Variants in SHISA9 observed in about 807,000 individuals in gnomAD.
SHISA9 encodes the protein shisa family member 9, also known as protein shisa-9.
Under a neutral mutation model 38.0 loss-of-function variants are expected in SHISA9, and 13 were observed. The ratio of observed to expected loss-of-function variants is 0.34; its 90% CI spans 0.22 to 0.54. SHISA9 has a LOEUF of 0.54. Ranked by LOEUF, SHISA9 falls within the 20% of genes least tolerant of loss-of-function variation. The pLI, the probability that SHISA9 is intolerant of heterozygous loss-of-function variation, is 0.91. For synonymous variants in SHISA9, 275 were observed against 242.0 expected (o/e 1.14, Z -1.27); for missense variants, 538 against 575.8 (o/e 0.93, Z 0.67).
intron 2 of SHISA9, among the ~76,000 whole-genome samples, chr16:13,196,120 A>G (rs111622212): frequency 0.49 from 51,208 of 103,832 alleles, 14,970 homozygotes; most frequent in African/African-American, 0.71. Flanking sequence ...AAAAAAGGCC[A>G]GGTGTGGTGG....
At chr16:13,269,613 A>G in the SHISA9 span, among the ~76,000 whole-genome samples, 1 of 152,198 alleles carries the variant, frequency 6.6e-6, no homozygotes, top group African/African-American at 2.4e-5. Context: ...TTTCTCATCT[A>G]ACAAATAAAG....
the SHISA9 span, among the ~76,000 whole-genome samples, chr16:13,312,993 C>T: frequency 1.3e-5 from 2 of 152,090 alleles, no homozygotes; most frequent in East Asian, 1.9e-4. Context: ...CGGTGGCTCA[C>T]GCCTGTAATC....
At chr16:13,427,559 A>G in the SHISA9 span, among the ~76,000 whole-genome samples, 1 of 152,232 alleles carries the variant, frequency 6.6e-6, no homozygotes, top group Non-Finnish European at 1.5e-5. Context: ...ATGTGGCTTG[A>G]GTTGAATGAT....
chr16:13,392,524 G>A, the SHISA9 span, among the ~76,000 whole-genome samples: 4 of 152,036 alleles, frequency 2.6e-5, no homozygotes, highest in African/African-American at 9.7e-5. Context: ...TACAGCCCAG[G>A]GACTACAGCA....
rs565658049 is a variant in SHISA9 at position 13,218,492 on chromosome 16, G to A, written c.895+5192G>A. On this transcript the variant is annotated intron_variant, in intron 4 of 4. Coordinates refer to ENST00000558583, the MANE Select transcript of SHISA9 (RefSeq NM_001145204.3). ...GTTTTCTTAGTGGTGATTTGAGCTGGGGCCACAGCTGGACGGTAACAGCAT... is the reference window on the plus strand; with the variant it reads ...GTTTTCTTAGTGGTGATTTGAGCTGAGGCCACAGCTGGACGGTAACAGCAT... Among the ~76,000 whole-genome samples the A allele has an allele frequency of 3.9e-5, 6 of 152,274 alleles. No individual in the cohort carries two copies. The South Asian group carries it at 8.3e-4, about 21-fold the overall frequency.
chr16:13,523,307 G>C, the SHISA9 span, among the ~76,000 whole-genome samples: 1 of 152,134 alleles, frequency 6.6e-6, no homozygotes, highest in Non-Finnish European at 1.5e-5. Context: ...CCGAGATCCT[G>C]CCACTGCACT....
At chr16:13,171,738 G>A (rs1056182911) in intron 2 of SHISA9, among the ~76,000 whole-genome samples, 6 of 152,056 alleles carry the variant, frequency 3.9e-5, no homozygotes, top group East Asian at 1.9e-4. Flanking sequence ...TGTGTGGGCC[G>A]GGTAAGGACT....
chr16:13,273,339 C>T, the SHISA9 span, among the ~76,000 whole-genome samples: 1 of 152,154 alleles, frequency 6.6e-6, no homozygotes, highest in South Asian at 2.1e-4. Context: ...CCACCCAAAT[C>T]TCATCTTGAG....
At chr16:13,327,773 C>T in the SHISA9 span, among the ~76,000 whole-genome samples, 1 of 152,126 alleles carries the variant, frequency 6.6e-6, no homozygotes, top group East Asian at 2.0e-4. Context: ...TCTCGTGCCT[C>T]AGCCTCCCAA....
At chr16:13,305,416 G>T in the SHISA9 span, among the ~76,000 whole-genome samples, 2 of 152,192 alleles carry the variant, frequency 1.3e-5, no homozygotes, top group African/African-American at 4.8e-5. Flanking sequence ...GCCTAGGAAT[G>T]TACTTTTAAT....
chr16:13,561,081 C>T, the SHISA9 span, among the ~76,000 whole-genome samples: 1 of 152,160 alleles, frequency 6.6e-6, no homozygotes, highest in Non-Finnish European at 1.5e-5. Flanking sequence ...CCAGGCTGGT[C>T]TCGAACTCCT....
chr16:13,354,138 A>AG, the SHISA9 span, among the ~76,000 whole-genome samples: 1 of 148,914 alleles, frequency 6.7e-6, no homozygotes, highest in Non-Finnish European at 1.5e-5. Context: ...TAGGGAAGGG[A>AG]GGGGGCCTGA....
chr16:13,329,793 C>T, the SHISA9 span, among the ~76,000 whole-genome samples: 1 of 152,150 alleles, frequency 6.6e-6, no homozygotes, highest in Non-Finnish European at 1.5e-5. Flanking sequence ...CTTATTGTTG[C>T]GTCCGTCCTG....
the SHISA9 span, among the ~76,000 whole-genome samples, chr16:13,424,384 A>G: frequency 2.0e-5 from 3 of 152,202 alleles, no homozygotes; most frequent in African/African-American, 7.2e-5. Flanking sequence ...TGGCCTTATC[A>G]TCACATTCCA....
Position 13,163,093 on chromosome 16 carries a change from G to A in SHISA9, c.692-40301G>A, listed in dbSNP as rs2050609386. ...TTTAAAGAACTTGGACAAAAACTGA[G>A]TGACCTTGGACAAGTCACTTAGCTT... On this transcript the variant is annotated intron_variant, in intron 2 of 4. Coordinates refer to ENST00000558583, the MANE Select transcript of SHISA9 (RefSeq NM_001145204.3). Among the ~76,000 whole-genome samples the A allele has an allele frequency of 2.0e-5, 3 of 152,144 alleles. No homozygotes were observed. The South Asian group carries it at 6.2e-4, about 32-fold the overall frequency.
At chr16:13,053,753 A>G (rs979737718) in intron 2 of SHISA9, among the ~76,000 whole-genome samples, 1 of 152,048 alleles carries the variant, frequency 6.6e-6, no homozygotes. Flanking sequence ...CACCTCTCAT[A>G]TGGGACGTGG....
At chr16:13,503,770 G>C in the SHISA9 span, among the ~76,000 whole-genome samples, 1 of 152,142 alleles carries the variant, frequency 6.6e-6, no homozygotes, top group African/African-American at 2.4e-5. Flanking sequence ...ATTTTAAGGC[G>C]TGGATGTAAT....
At chr16:13,192,520 C>G (rs1274370145) in intron 2 of SHISA9, among the ~76,000 whole-genome samples, 2 of 151,954 alleles carry the variant, frequency 1.3e-5, no homozygotes, top group Non-Finnish European at 2.9e-5. Context: ...ATGAACCAAG[C>G]TGAAGAGGCA....
chr16:13,384,922 A>G, the SHISA9 span, among the ~76,000 whole-genome samples: 1 of 152,214 alleles, frequency 6.6e-6, no homozygotes, highest in Non-Finnish European at 1.5e-5. Flanking sequence ...GAAAACCACT[A>G]TCTGGTAAAG....
Sources: allele counts gnomAD v4.1 joint callset (sites outside exome capture counted in the v4.1 genomes callset), GRCh38; gene constraint gnomAD v4.1.1; transcripts MANE v1.5; gene names NCBI Gene and HGNC (gene_info 2026-07-23, HGNC 2026-07-21).